DCC: variants seen among roughly 807,000 people sequenced by gnomAD.
The protein encoded by DCC is DCC netrin 1 receptor.
DCC carries 58 observed loss-of-function variants against 172.5 expected under a neutral mutation model. The ratio of observed to expected loss-of-function variants is 0.34; its 90% CI spans 0.27 to 0.42. The LOEUF (loss-of-function observed/expected upper bound fraction) is 0.42, where lower values mean the gene tolerates loss of function less well. Ranked by LOEUF, DCC falls within the 10% of genes least tolerant of loss-of-function variation. The pLI is 1.00. For synonymous variants in DCC, 709 were observed against 644.5 expected, an observed-to-expected ratio of 1.10 and a Z score of -1.52; for missense variants, 1,740 against 1,791.0, an observed-to-expected ratio of 0.97 and a Z score of 0.51.
intron 2 of DCC, among the ~76,000 whole-genome samples, chr18:52,788,541 A>G (rs2037702223): frequency 2.0e-5 from 3 of 152,174 alleles, no homozygotes; most frequent in Admixed American, 2.0e-4. Context: ...CCTTAAGGCT[A>G]TTTTTATTTC....
intron 8 of DCC, among the ~76,000 whole-genome samples, chr18:53,172,565 G>C (rs2055029548): frequency 6.6e-6 from 1 of 152,124 alleles, no homozygotes; most frequent in Non-Finnish European, 1.5e-5. Context: ...AGTTTATTTA[G>C]TATTTGTAAG....
intron 1 of DCC, among the ~76,000 whole-genome samples, chr18:52,750,339 CA>C (rs1383334987): frequency 2.0e-5 from 3 of 152,120 alleles, no homozygotes; most frequent in Non-Finnish European, 4.4e-5. Context: ...ACTAGAAGAA[CA>C]GGATGTACTA....
At chr18:52,406,316 A>G (rs1033039923) in intron 1 of DCC, among the ~76,000 whole-genome samples, 1 of 150,216 alleles carries the variant, frequency 6.7e-6, no homozygotes, top group Non-Finnish European at 1.5e-5. Context: ...GCCAAAATTG[A>G]CAAATGGGAT....
At chr18:52,856,625 C>CAAAAAAAAAAAAAAAAAAAA (rs11426617) in intron 2 of DCC, among the ~76,000 whole-genome samples, 3 of 82,978 alleles carry the variant, frequency 3.6e-5, no homozygotes, top group African/African-American at 5.5e-5. Context: ...GACTCCATCT[C>CAAAAAAAAAAAAAAAAAAAA]AAAAAAAAAA....
chr18:52,489,906 T>C (rs1171064294), intron 1 of DCC, among the ~76,000 whole-genome samples: 1 of 152,142 alleles, frequency 6.6e-6, no homozygotes, highest in Non-Finnish European at 1.5e-5. Context: ...CTACAGTAAA[T>C]ATGAAGTGGA....
At chr18:52,923,025 T>A (rs2040148272) in intron 3 of DCC, among the ~76,000 whole-genome samples, 1 of 152,130 alleles carries the variant, frequency 6.6e-6, no homozygotes, top group Non-Finnish European at 1.5e-5. Context: ...AGTAAATGCA[T>A]CAGATGAAGT....
intron 2 of DCC, among the ~76,000 whole-genome samples, chr18:52,803,477 GC>G (rs1388426684): frequency 6.6e-6 from 1 of 152,064 alleles, no homozygotes; most frequent in Non-Finnish European, 1.5e-5. Context: ...TGTGAACGGT[GC>G]CATGTACTGT....
At chr18:52,986,909 G>A (rs548181582) in intron 5 of DCC, among the ~76,000 whole-genome samples, 14 of 151,296 alleles carry the variant, frequency 9.3e-5, no homozygotes, top group South Asian at 8.4e-4. Flanking sequence ...TGCAACCTCC[G>A]CCTCCCAGGC....
intron 1 of DCC, among the ~76,000 whole-genome samples, chr18:52,455,531 T>C (rs1442596316): frequency 2.6e-5 from 4 of 152,212 alleles, no homozygotes; most frequent in Non-Finnish European, 5.9e-5. Context: ...GAGGGCTCAA[T>C]GATCCTCAGA....
intron 7 of DCC, among the ~76,000 whole-genome samples, chr18:53,067,745 A>G (rs1054841450): frequency 6.6e-6 from 1 of 152,222 alleles, no homozygotes; most frequent in African/African-American, 2.4e-5. Flanking sequence ...GTTATCTATC[A>G]TGTTACATAC....
chr18:52,600,997 G>C (rs549828005), intron 1 of DCC, among the ~76,000 whole-genome samples: 2 of 152,042 alleles, frequency 1.3e-5, no homozygotes, highest in Non-Finnish European at 2.9e-5. Flanking sequence ...AATTAATGCA[G>C]TAAACCTTTT....
chr18:53,023,211 A>C (rs1440594850), intron 5 of DCC, among the ~76,000 whole-genome samples: 1 of 151,820 alleles, frequency 6.6e-6, no homozygotes, highest in Non-Finnish European at 1.5e-5. Context: ...TAACCACAAA[A>C]ATTGTTTAAG....
At chr18:52,353,633 C>T (rs1357656298) in intron 1 of DCC, among the ~76,000 whole-genome samples, 1 of 152,182 alleles carries the variant, frequency 6.6e-6, no homozygotes, top group Non-Finnish European at 1.5e-5. Flanking sequence ...AAGAGTAAAG[C>T]TTTACAGGCA....
In DCC at chr18:53,001,889, T is replaced by C. The variant is rs546822268; in HGVS notation, c.986-61416T>C. On this transcript the variant is annotated intron_variant, in intron 5 of 28. Coordinates refer to ENST00000442544, the MANE Select transcript of DCC (RefSeq NM_005215.4). ...TGTAGTTTAATCAACCTCCATTGTA[T>C]AAAAACTGTGTTTACAACTGAGCAA... Among the ~76,000 whole-genome samples, 4 of 152,204 alleles carry C rather than the reference T, an allele frequency of 2.6e-5. No homozygotes were observed. In the South Asian group the frequency reaches 8.3e-4, roughly 31 times the overall value.
intron 9 of DCC, among the ~76,000 whole-genome samples, chr18:53,191,507 C>A (rs1023154420): frequency 6.6e-6 from 1 of 151,880 alleles, no homozygotes; most frequent in Non-Finnish European, 1.5e-5. Context: ...TTTTTACTTT[C>A]AATGTGCCTA....
intron 10 of DCC, 63 bp from the exon 11 acceptor site, chr18:53,207,616 A>G: frequency 6.9e-7 from 1 of 1,451,816 alleles, no homozygotes; most frequent in Admixed American, 1.7e-5. Context: ...ATTGCACAGA[A>G]TGAGTGCCAT....
At chr18:53,209,870 A>G (rs1457837724) in intron 11 of DCC, among the ~76,000 whole-genome samples, 1 of 152,246 alleles carries the variant, frequency 6.6e-6, no homozygotes, top group Non-Finnish European at 1.5e-5. Context: ...TTTAAATGTC[A>G]TAAGTGAGAA....
At chr18:52,453,098 C>T (rs908242560) in intron 1 of DCC, among the ~76,000 whole-genome samples, 3 of 152,216 alleles carry the variant, frequency 2.0e-5, no homozygotes, top group African/African-American at 7.2e-5. Context: ...AGTACACGCA[C>T]CACCTCCTCT....
intron 5 of DCC, among the ~76,000 whole-genome samples, chr18:52,978,296 G>A (rs9962094): frequency 2.0e-5 from 3 of 151,716 alleles, no homozygotes; most frequent in African/African-American, 7.3e-5. Flanking sequence ...CAATGCTAGA[G>A]CCTTAGTTTA....
Sources: allele counts gnomAD v4.1 joint callset (sites outside exome capture counted in the v4.1 genomes callset), GRCh38; gene constraint gnomAD v4.1.1; transcripts MANE v1.5; gene names NCBI Gene and HGNC (gene_info 2026-07-23, HGNC 2026-07-21).